TCF7L1: variants seen among roughly 807,000 people sequenced by gnomAD.
TCF7L1 encodes transcription factor 7 like 1, also known as transcription factor 7-like 1.
A neutral mutation model predicts 63.7 loss-of-function variants in TCF7L1; 18 were observed. The ratio of observed to expected loss-of-function variants is 0.28; its 90% CI spans 0.20 to 0.42. The LOEUF is 0.42. Among genes scored for constraint, TCF7L1 ranks in the 10% least tolerant of loss-of-function variants. TCF7L1 has a pLI of 1.00. For missense variants in TCF7L1, 654 were observed against 779.3 expected (o/e 0.84, Z 1.91); for synonymous variants, 355 against 340.9 (o/e 1.04, Z -0.46).
chr2:85,134,359 C>G lies in TCF7L1; in HGVS notation c.350C>G (p.Pro117Arg), dbSNP rs765103127. 8.2e-6 allele frequency: 13 copies of G among 1,583,606 alleles called. No individual in the cohort carries two copies. The highest frequency in any genetic ancestry group is 1.1e-5 in the Non-Finnish European group (13 of 1,164,274). The change falls in exon 3 of 12, where the codon CCC (proline) becomes CGC (arginine). Residue 117 changes from proline to arginine, a missense_variant. This residue lies in a region of TCF7L1 where 404 missense variants were observed against 454.8 expected (regional missense o/e 0.89). Coordinates refer to ENST00000282111, the MANE Select transcript of TCF7L1 (RefSeq NM_031283.3). The surrounding 1 kb of genome is among the most constrained non-coding windows in gnomAD (Gnocchi z 5.0). Reference sequence around the variant, plus strand: ...CAGGACAGCGCGTTCTTTAAAGGACCCCCGTACCCTGGGTACCCCTTCCTG... The same window carrying G: ...CAGGACAGCGCGTTCTTTAAAGGACGCCCGTACCCTGGGTACCCCTTCCTG... ...RPQDSAFFKG[P>R]PYPGYPFLMI...
At chr2:85,229,302 G>A (rs1338976379) in intron 3 of TCF7L1, among the ~76,000 whole-genome samples, 4 of 152,128 alleles carry the variant, frequency 2.6e-5, no homozygotes, top group Non-Finnish European at 5.9e-5. Context: ...AGCTGAGATC[G>A]TGCCAGTGCA....
chr2:85,174,641 C>G (rs1447815569), intron 3 of TCF7L1, among the ~76,000 whole-genome samples: 18 of 152,212 alleles, frequency 1.2e-4, no homozygotes, highest in Admixed American at 1.2e-3. Flanking sequence ...TGTGTTTTGA[C>G]TGGTGAGTCA....
chr2:85,186,638 G>T (rs1444870398), intron 3 of TCF7L1: 1 of 152,142 alleles, frequency 6.6e-6, no homozygotes, highest in Admixed American at 6.6e-5. Flanking sequence ...GATTTGATTC[G>T]TTGGGAGTTG....
chr2:85,190,110 A>G (rs533368486), intron 3 of TCF7L1, among the ~76,000 whole-genome samples: 5 of 152,282 alleles, frequency 3.3e-5, no homozygotes, highest in Non-Finnish European at 7.4e-5. Flanking sequence ...CTTTATCTTT[A>G]TAGTCCCACA....
intron 3 of TCF7L1, among the ~76,000 whole-genome samples, chr2:85,225,543 T>G (rs1212762792): frequency 2.0e-5 from 3 of 152,214 alleles, no homozygotes; most frequent in Admixed American, 6.5e-5. Context: ...GTAGTAATTG[T>G]GAATGGGAGT....
chr2:85,229,196 A>G (rs1236752012), intron 3 of TCF7L1, among the ~76,000 whole-genome samples: 2 of 151,680 alleles, frequency 1.3e-5, no homozygotes, highest in African/African-American at 4.8e-5. Flanking sequence ...AATACAAAAA[A>G]TTAGCTGGGC....
intron 3 of TCF7L1, among the ~76,000 whole-genome samples, chr2:85,142,431 AATGTGTG>A (rs1488352846): frequency 2.4e-4 from 8 of 33,952 alleles, no homozygotes; most frequent in Admixed American, 3.9e-4. Flanking sequence ...AAAAAAAAAA[AATGTGTG>A]TGTGTGTGTG....
intron 3 of TCF7L1, among the ~76,000 whole-genome samples, chr2:85,246,588 G>A (rs371356034): frequency 9.8e-5 from 15 of 152,316 alleles, no homozygotes; most frequent in Middle Eastern, 3.4e-3. Context: ...CTGGCAAGGC[G>A]AGGCTCTCCA....
At position 85,133,631 on chromosome 2, in the gene TCF7L1, G is replaced by A. The variant is rs1677508782; in HGVS notation, c.-54G>A. The A allele has an allele frequency of 5.4e-6, 4 of 739,470 alleles. No individual in the cohort carries two copies. The highest frequency in any genetic ancestry group is 6.6e-6 in the Non-Finnish European group (4 of 607,362). 45.8% of individuals were successfully genotyped at this position (739,470 alleles called of 1,614,324 possible). ...GAGGGGCGCCGGGCCGGGCCGGGCA[G>A]GGCGCGGGCGGCTAGGGGCTCCGAG... On this transcript the variant is annotated 5_prime_UTR_variant, in exon 1 of 12. Transcript: ENST00000282111. This position sits in a 1 kb window ranked among gnomAD's most constrained non-coding sequence, Gnocchi z 4.4.
In TCF7L1 at chr2:85,287,207, C is replaced by T. The variant is rs141135282; in HGVS notation, c.525+3629C>T. Among the ~76,000 whole-genome samples the T allele has an allele frequency of 1.1e-3, 172 of 152,240 alleles. 2 individuals are homozygous for T. In the East Asian group the frequency reaches 0.029, roughly 25 times the overall value. On this transcript the variant is annotated intron_variant, in intron 4 of 11. Coordinates refer to ENST00000282111, the MANE Select transcript of TCF7L1 (RefSeq NM_031283.3). ...TTTTCCTGCTTTTTTGCAACACAGC[C>T]GACAGCCAAGGCCTGACTACTCTCT...
In TCF7L1 at chr2:85,133,725, GCAGCGGGGGAGGCGGCGGCTC is replaced by G; in HGVS notation, c.47_67del (p.Gly16_Ser22del). Reference sequence around the variant, plus strand: ...GGCGGGGGCGGCGGCGGCGGCGGCGGCAGCGGGGGAGGCGGCGGCTCCAGCGCCGGGGCGGCCGGCGGAGGG... The same window carrying G: ...GGCGGGGGCGGCGGCGGCGGCGGCGGCAGCGCCGGGGCGGCCGGCGGAGGG... On this transcript the variant is annotated inframe_deletion, in exon 1 of 12. Transcript: ENST00000282111. The surrounding 1 kb of genome is among the most constrained non-coding windows in gnomAD (Gnocchi z 4.4). 1 of 1,183,728 alleles carries G rather than the reference GCAGCGGGGGAGGCGGCGGCTC, an allele frequency of 8.4e-7. No individual in the cohort carries two copies. Among genetic ancestry groups the G allele is most frequent in the Non-Finnish European group, 1.0e-6 (1 of 958,022 alleles). 73.3% of individuals were successfully genotyped at this position (1,183,728 alleles called of 1,614,324 possible). A position where few individuals can be genotyped will look rare whatever the true frequency, so the allele number is the denominator to read the frequency against.
At chr2:85,157,771 A>T (rs1313313336) in intron 3 of TCF7L1, among the ~76,000 whole-genome samples, 1 of 152,228 alleles carries the variant, frequency 6.6e-6, no homozygotes, top group Non-Finnish European at 1.5e-5. Context: ...AGCAAGAATG[A>T]TGGTGGCCAA....
chr2:85,134,457 G>GC lies in TCF7L1; in HGVS notation c.441+10dup. Reference sequence around the variant, plus strand: ...TCCCGGAGGAGCGCGCACCGTGAGTGCCCGTCGGGCGCGCCGGGGAGGGTG... The same window carrying GC: ...TCCCGGAGGAGCGCGCACCGTGAGTGCCCCGTCGGGCGCGCCGGGGAGGGTG... On this transcript the variant is annotated splice_region_variant and intron_variant, in intron 3 of 11. Transcript: ENST00000282111. This position sits in a 1 kb window ranked among gnomAD's most constrained non-coding sequence, Gnocchi z 5.0. 6.5e-7 allele frequency: 1 copy of GC among 1,550,234 alleles called. No homozygotes were observed. The highest frequency in any genetic ancestry group is 8.7e-7 in the Non-Finnish European group (1 of 1,146,752).
intron 3 of TCF7L1, among the ~76,000 whole-genome samples, chr2:85,270,838 C>T (rs542099858): frequency 1.7e-4 from 26 of 152,212 alleles, no homozygotes; most frequent in African/African-American, 5.8e-4. Flanking sequence ...TACAAGCGTG[C>T]GCCACCACAC....
At chr2:85,308,376 C>G (rs373051739) in intron 11 of TCF7L1, among the ~76,000 whole-genome samples, 123 of 108,518 alleles carry the variant, frequency 1.1e-3, no homozygotes, top group East Asian at 3.4e-3. Flanking sequence ...TTCCTCCCTC[C>G]CTTTCACCTT....
intron 3 of TCF7L1, among the ~76,000 whole-genome samples, chr2:85,264,266 C>T (rs772660544): frequency 6.6e-6 from 1 of 152,192 alleles, no homozygotes; most frequent in Non-Finnish European, 1.5e-5. Flanking sequence ...TACGTGAGTA[C>T]TCCTGACCTC....
At chr2:85,286,370 A>C (rs553158707) in intron 4 of TCF7L1, among the ~76,000 whole-genome samples, 15,714 of 124,008 alleles carry the variant, frequency 0.13, 1,275 homozygotes, top group African/African-American at 0.36. Flanking sequence ...AAACAAACAA[A>C]CAAAAAAAAA....
chr2:85,279,135 A>T (rs900529974), intron 3 of TCF7L1, among the ~76,000 whole-genome samples: 1 of 152,246 alleles, frequency 6.6e-6, no homozygotes, highest in Non-Finnish European at 1.5e-5. Context: ...CAGCAGTTTT[A>T]ACCTGCCCAC....
intron 3 of TCF7L1, among the ~76,000 whole-genome samples, chr2:85,217,581 G>A (rs1482513308): frequency 1.3e-5 from 2 of 152,118 alleles, no homozygotes; most frequent in Non-Finnish European, 2.9e-5. Flanking sequence ...ACCCCAAGGT[G>A]CTGTTGAGGC....
Sources: allele counts gnomAD v4.1 joint callset (sites outside exome capture counted in the v4.1 genomes callset), GRCh38; gene constraint gnomAD v4.1.1; regional missense constraint gnomAD v4.1.1; non-coding constraint Gnocchi (gnomAD v3.1); transcripts MANE v1.5; gene names NCBI Gene and HGNC (gene_info 2026-07-23, HGNC 2026-07-21).